The following PRKAR2A variants were observed in gnomAD, a reference collection of about 807,000 sequenced individuals.
The protein encoded by PRKAR2A is protein kinase cAMP-dependent type II regulatory subunit alpha.
PRKAR2A carries 29 observed loss-of-function variants against 51.9 expected under a neutral mutation model. That is an observed-to-expected ratio of 0.56 (90% CI 0.42 to 0.76). The LOEUF (loss-of-function observed/expected upper bound fraction) is 0.76. Among genes scored for constraint, PRKAR2A ranks in the 30% least tolerant of loss-of-function variants. The probability of loss-of-function intolerance (pLI) is 0.00; values close to 1 mark genes in which losing one functional copy is unlikely to be tolerated. For missense variants in PRKAR2A, 445 were observed against 512.1 expected, an observed-to-expected ratio of 0.87 and a Z score of 1.26; for synonymous variants, 178 against 186.2, an observed-to-expected ratio of 0.96 and a Z score of 0.36.
chr3:48,817,842 C>T (rs1296585302), intron 1 of PRKAR2A, among the ~76,000 whole-genome samples: 2 of 150,918 alleles, frequency 1.3e-5, no homozygotes, highest in Non-Finnish European at 3.0e-5. Flanking sequence ...GCTGTGAGCC[C>T]CAAATAAGAA....
At chr3:48,840,626 G>C (rs1354607611) in intron 1 of PRKAR2A, among the ~76,000 whole-genome samples, 1 of 116,236 alleles carries the variant, frequency 8.6e-6, no homozygotes, top group Non-Finnish European at 1.7e-5. Context: ...GCCCAGGCTG[G>C]AGTGCAGTGG....
intron 1 of PRKAR2A, among the ~76,000 whole-genome samples, chr3:48,840,972 C>G: frequency 6.7e-6 from 1 of 148,870 alleles, no homozygotes; most frequent in Non-Finnish European, 1.5e-5. Context: ...ACCTCCACCT[C>G]CTGGGTTCAA....
chr3:48,833,642 G>A (rs961997568), intron 1 of PRKAR2A, among the ~76,000 whole-genome samples: 8 of 151,356 alleles, frequency 5.3e-5, no homozygotes, highest in African/African-American at 1.2e-4. Flanking sequence ...CCCAGGAGGC[G>A]GAGGTTGTGG....
chr3:48,834,552 T>C (rs1435935111), intron 1 of PRKAR2A, among the ~76,000 whole-genome samples: 1 of 151,716 alleles, frequency 6.6e-6, no homozygotes, highest in Non-Finnish European at 1.5e-5. Context: ...CTGGGAAACA[T>C]GACAAAATCC....
chr3:48,818,522 G>A (rs1192948943), intron 1 of PRKAR2A, among the ~76,000 whole-genome samples: 1 of 152,184 alleles, frequency 6.6e-6, no homozygotes, highest in Non-Finnish European at 1.5e-5. Flanking sequence ...GCCAAGGCAG[G>A]GAGGACTGCT....
chr3:48,806,876 A>T (rs2082682438), intron 2 of PRKAR2A, among the ~76,000 whole-genome samples: 1 of 151,534 alleles, frequency 6.6e-6, no homozygotes, highest in African/African-American at 2.4e-5. Context: ...GGTTCAAGTG[A>T]TTCTCTGCCT....
rs370682873 is a variant in PRKAR2A at position 48,839,600 on chromosome 3, A to T, written c.262+7735T>A. On this transcript the variant is annotated intron_variant, in intron 1 of 10. Coordinates refer to ENST00000265563, the MANE Select transcript of PRKAR2A (RefSeq NM_004157.4). ...ATACTTTGAAGTTATGTCCTGTTTG[A>T]TATTAAAGCTGTTATTAAAATAACA... Among the ~76,000 whole-genome samples, 18 of 152,250 alleles carry T rather than the reference A, an allele frequency of 1.2e-4. No individual in the cohort carries two copies. In the East Asian group the frequency reaches 2.5e-3, roughly 21 times the overall value.
chr3:48,794,193 C>T (rs754325054), intron 2 of PRKAR2A, 144 bp from the exon 3 acceptor site: 9 of 640,554 alleles, frequency 1.4e-5, no homozygotes, highest in Non-Finnish European at 2.1e-5. Flanking sequence ...CTCTTGTTGC[C>T]CAGGCTGGAG....
intron 1 of PRKAR2A, among the ~76,000 whole-genome samples, chr3:48,818,726 C>T (rs1292755683): frequency 1.8e-4 from 28 of 152,104 alleles, no homozygotes; most frequent in African/African-American, 7.2e-5. Context: ...CTGGGTGACA[C>T]AGCAAGACCC....
At chr3:48,760,541 G>T (rs574661061) in intron 8 of PRKAR2A, among the ~76,000 whole-genome samples, 7 of 151,642 alleles carry the variant, frequency 4.6e-5, no homozygotes, top group Admixed American at 1.3e-4. Flanking sequence ...CTGGGTGTAG[G>T]CCGGGCGCAG....
At chr3:48,814,239 T>C (rs1252968079) in intron 1 of PRKAR2A, among the ~76,000 whole-genome samples, 4 of 150,218 alleles carry the variant, frequency 2.7e-5, no homozygotes, top group African/African-American at 7.4e-5. Flanking sequence ...AGAGCGAGAA[T>C]CCGTCTCAAA....
At chr3:48,807,826 A>G in intron 1 of PRKAR2A, 142 bp from the exon 2 acceptor site, 1 of 623,464 alleles carries the variant, frequency 1.6e-6, no homozygotes, top group South Asian at 2.3e-5. Context: ...TCCACACTCA[A>G]TCACAAATAG....
At chr3:48,791,584 T>A (rs371176231) in intron 3 of PRKAR2A, among the ~76,000 whole-genome samples, 39 of 110,652 alleles carry the variant, frequency 3.5e-4, no homozygotes, top group African/African-American at 1.3e-3. Flanking sequence ...CAGAGCAAGA[T>A]TCCGTCTCAA....
intron 5 of PRKAR2A, 106 bp downstream of exon 5, chr3:48,782,880 T>G: frequency 1.3e-6 from 1 of 774,084 alleles, no homozygotes; most frequent in Non-Finnish European, 2.1e-6. Flanking sequence ...CTTGTTCACC[T>G]GGCCCTTAGC....
chr3:48,783,921 T>G (rs2082247787), intron 4 of PRKAR2A, among the ~76,000 whole-genome samples: 1 of 152,124 alleles, frequency 6.6e-6, no homozygotes, highest in African/African-American at 2.4e-5. Flanking sequence ...ATAACAAAGA[T>G]TCCAGGTCAT....
chr3:48,844,775 G>A (rs1172618091), intron 1 of PRKAR2A, among the ~76,000 whole-genome samples: 1 of 147,638 alleles, frequency 6.8e-6, no homozygotes, highest in Non-Finnish European at 1.5e-5. Flanking sequence ...CTCACAGATG[G>A]GAATTGAACA....
At chr3:48,751,963 C>T (rs2081655179) in intron 10 of PRKAR2A, among the ~76,000 whole-genome samples, 2 of 152,140 alleles carry the variant, frequency 1.3e-5, no homozygotes, top group African/African-American at 4.8e-5. Flanking sequence ...TTTCATACGG[C>T]TAAAGAACCT....
At chr3:48,752,964 G>A (rs1040675247) in intron 9 of PRKAR2A, among the ~76,000 whole-genome samples, 10 of 108,498 alleles carry the variant, frequency 9.2e-5, no homozygotes, top group Non-Finnish European at 1.5e-4. Flanking sequence ...ATGGAGTCTC[G>A]CTCTGTCGCC....
At chr3:48,788,969 G>A (rs898377449) in intron 4 of PRKAR2A, among the ~76,000 whole-genome samples, 1 of 151,582 alleles carries the variant, frequency 6.6e-6, no homozygotes, top group Non-Finnish European at 1.5e-5. Flanking sequence ...TCCTATGCTA[G>A]GCCCTGCAGA....
Sources: allele counts gnomAD v4.1 joint callset (sites outside exome capture counted in the v4.1 genomes callset), GRCh38; gene constraint gnomAD v4.1.1; transcripts MANE v1.5; gene names NCBI Gene and HGNC (gene_info 2026-07-23, HGNC 2026-07-21).